The following TRAPPC8 variants were observed in gnomAD, a reference collection of about 807,000 sequenced individuals.
TRAPPC8 encodes general sporulation gene 1 homolog.
TRAPPC8 carries 54 observed loss-of-function variants against 174.3 expected under a neutral mutation model. The ratio of observed to expected loss-of-function variants is 0.31; its 90% CI spans 0.25 to 0.39. The LOEUF (loss-of-function observed/expected upper bound fraction) is 0.39. Ranked by LOEUF, TRAPPC8 falls within the 10% of genes least tolerant of loss-of-function variation. TRAPPC8 has a pLI of 1.00. For missense variants in TRAPPC8, 1,531 were observed against 1,699.1 expected (o/e 0.90, Z 1.74); for synonymous variants, 630 against 579.9 (o/e 1.09, Z -1.24).
chr18:31,831,258 G>T (rs2032352108), intron 28 of TRAPPC8, among the ~76,000 whole-genome samples: 1 of 152,192 alleles, frequency 6.6e-6, no homozygotes, highest in African/African-American at 2.4e-5. Context: ...GGCTGAGGCA[G>T]GAGAGTCACT....
chr18:31,853,786 TATTC>T, intron 22 of TRAPPC8, 59 bp downstream of exon 22: 4 of 1,217,060 alleles, frequency 3.3e-6, no homozygotes, highest in Non-Finnish European at 4.6e-6. Context: ...ATTCTGGTAC[TATTC>T]TGGAAAACCA....
Position 31,851,827 on chromosome 18 carries a change from T to C in TRAPPC8, c.3561+619A>G, listed in dbSNP as rs114120018. 7.2e-3 allele frequency among the ~76,000 whole-genome samples: 1,092 copies of C among 152,290 alleles called. 15 individuals carry two copies. The highest frequency in any genetic ancestry group is 0.025 in the African/African-American group (1,048 of 41,546). On this transcript the variant is annotated intron_variant, in intron 24 of 28. Coordinates refer to ENST00000283351, the MANE Select transcript of TRAPPC8 (RefSeq NM_014939.5). ...AGAGGGTTATCATCTATATATTCCA[T>C]TGTGACCACTTTCCCTAATAGAAAA... is the stretch of plus-strand genomic sequence containing the variant.
At chr18:31,855,378 T>C (rs1308556774) in intron 21 of TRAPPC8, among the ~76,000 whole-genome samples, 1 of 152,202 alleles carries the variant, frequency 6.6e-6, no homozygotes, top group African/African-American at 2.4e-5. Flanking sequence ...TGGTGAGACC[T>C]AGAAAGTATT....
chr18:31,895,535 G>C (rs912517868), intron 11 of TRAPPC8, among the ~76,000 whole-genome samples: 1 of 152,128 alleles, frequency 6.6e-6, no homozygotes, highest in Admixed American at 6.5e-5. Context: ...TTGGAAAGAA[G>C]AGAAAAATGA....
At chr18:31,870,893 T>C (rs2034823104) in intron 15 of TRAPPC8, 33 bp downstream of exon 15, 1 of 1,462,900 alleles carries the variant, frequency 6.8e-7, no homozygotes, top group Non-Finnish European at 9.2e-7. Context: ...GTAAAACAAA[T>C]AAAAAACAGA....
At chr18:31,911,914 T>C (rs1440308961) in intron 5 of TRAPPC8, among the ~76,000 whole-genome samples, 1 of 147,108 alleles carries the variant, frequency 6.8e-6, no homozygotes, top group Admixed American at 6.8e-5. Context: ...CAAAAAACAG[T>C]GACTCTCGAT....
intron 16 of TRAPPC8, 197 bp downstream of exon 16, chr18:31,870,175 A>C (rs2034780831): frequency 2.6e-6 from 1 of 389,030 alleles, no homozygotes; most frequent in Non-Finnish European, 4.6e-6. Flanking sequence ...TTATGAAGAC[A>C]GATGGTTTCA....
At chr18:31,890,012 A>G (rs1171323859) in intron 12 of TRAPPC8, among the ~76,000 whole-genome samples, 1 of 152,208 alleles carries the variant, frequency 6.6e-6, no homozygotes, top group Admixed American at 6.5e-5. Context: ...AGATCCTCAT[A>G]TGCCCCTAAT....
chr18:31,839,406 CTG>C lies in TRAPPC8; in HGVS notation c.3887_3888del (p.Thr1296SerfsTer12). ...LLKFFRPENI[T>X]VSSRPSVEQL... ...TGCTCTACTGATGGCCTTGAGGAAA[CTG>C]TAATGTTTTCTGGCCTGAAAAATTT... On this transcript the variant is annotated frameshift_variant, in exon 27 of 29. Transcript: ENST00000283351. LOFTEE classifies it high-confidence loss of function. The C allele has an allele frequency of 1.9e-6, 3 of 1,610,370 alleles. No homozygotes were observed. The highest frequency in any genetic ancestry group is 2.5e-6 in the Non-Finnish European group (3 of 1,178,450).
intron 1 of TRAPPC8, among the ~76,000 whole-genome samples, chr18:31,934,630 G>C (rs2037999135): frequency 6.6e-6 from 1 of 152,170 alleles, no homozygotes; most frequent in African/African-American, 2.4e-5. Context: ...CACTTTGGTA[G>C]GTCAAGGCGG....
At chr18:31,895,627 T>C (rs959745570) in intron 11 of TRAPPC8, 1 of 152,178 alleles carries the variant, frequency 6.6e-6, no homozygotes, top group African/African-American at 2.4e-5. Flanking sequence ...GAATGGCATA[T>C]TGAAATCATT....
At chr18:31,908,252 T>G (rs777240971) in intron 8 of TRAPPC8, 51 bp downstream of exon 8, 1 of 1,099,854 alleles carries the variant, frequency 9.1e-7, no homozygotes, top group East Asian at 2.6e-5. Flanking sequence ...AATCAAACAC[T>G]AGTCAGAGAG....
At position 31,937,081 on chromosome 18, in the gene TRAPPC8, G is replaced by A. The variant is rs569327588; in HGVS notation, c.157+5527C>T. 9.7e-4 allele frequency among the ~76,000 whole-genome samples: 148 copies of A among 152,108 alleles called. 2 individuals are homozygous for A. Among genetic ancestry groups the A allele is most frequent in the African/African-American group, 3.3e-3 (136 of 41,492 alleles). ...CACAAAAAATTAGCCAGGCGTGGTG[G>A]TGGGCGCCTATAGTCCCAGCTACTC... On this transcript the variant is annotated intron_variant, in intron 1 of 28. Coordinates refer to ENST00000283351, the MANE Select transcript of TRAPPC8 (RefSeq NM_014939.5).
Position 31,867,329 on chromosome 18 carries a change from A to G in TRAPPC8, c.2463+73T>C, listed in dbSNP as rs1216729119. The G allele has an allele frequency of 2.8e-6, 3 of 1,053,108 alleles. No homozygotes were observed. The East Asian group carries it at 7.6e-5, about 27-fold the overall frequency. The allele number at this position is 1,053,108 out of a possible 1,614,324, so 65.2% of individuals were successfully genotyped here. A position where few individuals can be genotyped will look rare whatever the true frequency, so the allele number is the denominator to read the frequency against. The stretch of plus-strand genomic sequence containing the variant: ...AACTAGAATATAAAATAAACTGAAT[A>G]AAGATTATTTAAAAATTTGTTTTCA... On this transcript the variant is annotated intron_variant, in intron 17 of 28. Transcript: ENST00000283351.
At chr18:31,859,649 A>C (rs2034221228) in intron 19 of TRAPPC8, among the ~76,000 whole-genome samples, 1 of 152,184 alleles carries the variant, frequency 6.6e-6, no homozygotes, top group African/African-American at 2.4e-5. Flanking sequence ...AGAACACATA[A>C]AAGACTAGTG....
chr18:31,931,332 T>G lies in TRAPPC8; in HGVS notation c.349A>C (p.Ser117Arg), dbSNP rs1188505652. 6.4e-7 allele frequency: 1 copy of G among 1,552,056 alleles called. No homozygotes were observed. The highest frequency in any genetic ancestry group is 8.7e-7 in the Non-Finnish European group (1 of 1,148,822). ...AACAATAAACCTTGTTACATACCAC[T>G]GATGTTAAGGTCATAATCTCCTGCT... ...ITAGDYDLNI[S>R]ATTPWFESYR... The change falls in exon 2 of 29, where the codon AGT (serine) becomes CGT (arginine). Residue 117 changes from serine to arginine, a missense_variant. By Grantham distance (110) the Ser-to-Arg change is moderately radical (BLOSUM62 -1). Coordinates refer to ENST00000283351, the MANE Select transcript of TRAPPC8 (RefSeq NM_014939.5).
At position 31,873,462 on chromosome 18, in the gene TRAPPC8, A is replaced by G; in HGVS notation, c.2030T>C (p.Val677Ala). The stretch of plus-strand genomic sequence containing the variant: ...TGGTCGTCTGTCATGGCCAAAAAAA[A>G]CCCGTGTTGCTGAACTGTTAATATA... ...LPYINSSATR[V>A]FFGHDRRPAD... Residue 677 changes from valine (V) to alanine (A), a missense_variant, in exon 14 of 29, where the codon GTT (valine) becomes GCT (alanine). Transcript: ENST00000283351. The G allele has an allele frequency of 6.2e-7, 1 of 1,613,636 alleles. No individual in the cohort carries two copies. Among genetic ancestry groups the G allele is most frequent in the East Asian group, 2.2e-5 (1 of 44,850 alleles).
At chr18:31,919,408 G>T (rs1340220665) in intron 2 of TRAPPC8, among the ~76,000 whole-genome samples, 1 of 151,388 alleles carries the variant, frequency 6.6e-6, no homozygotes, top group African/African-American at 2.4e-5. Context: ...TGGCGCCCTT[G>T]TGCAATCCCA....
At chr18:31,912,010 C>T (rs568804394) in intron 5 of TRAPPC8, among the ~76,000 whole-genome samples, 4 of 152,024 alleles carry the variant, frequency 2.6e-5, no homozygotes, top group African/African-American at 4.8e-5. Flanking sequence ...AAACATCAAA[C>T]GCCCATCAAC....
Sources: allele counts gnomAD v4.1 joint callset (sites outside exome capture counted in the v4.1 genomes callset), GRCh38; gene constraint gnomAD v4.1.1; transcripts MANE v1.5; gene names NCBI Gene and HGNC (gene_info 2026-07-23, HGNC 2026-07-21).